RTN4: variants seen among roughly 807,000 people sequenced by gnomAD.
The protein encoded by RTN4 is reticulon 4.
A neutral mutation model predicts 90.4 loss-of-function variants in RTN4; 32 were observed. The observed-to-expected ratio is 0.35, with a 90% CI of 0.27 to 0.48. The LOEUF (loss-of-function observed/expected upper bound fraction) is 0.48, where lower values mean the gene tolerates loss of function less well. Among genes scored for constraint, RTN4 ranks in the 20% least tolerant of loss-of-function variants. The pLI, the probability that RTN4 is intolerant of heterozygous loss-of-function variation, is 0.99. For missense variants in RTN4, 1,706 were observed against 1,430.2 expected (o/e 1.19, Z -3.11); for synonymous variants, 629 against 552.5 (o/e 1.14, Z -1.94).
At chr2:54,995,955 T>C (rs1222792962) in intron 3 of RTN4, among the ~76,000 whole-genome samples, 3 of 152,198 alleles carry the variant, frequency 2.0e-5, no homozygotes. Context: ...GTCTGTTGTA[T>C]GTATTTTAAA....
intron 1 of RTN4, among the ~76,000 whole-genome samples, chr2:55,102,354 T>C (rs1667866947): frequency 1.3e-5 from 2 of 152,100 alleles, no homozygotes; most frequent in Admixed American, 1.3e-4. Flanking sequence ...TCTTTTAGGA[T>C]TTGTGGACCA....
At chr2:54,981,691 G>C (rs1322432451) in intron 5 of RTN4, among the ~76,000 whole-genome samples, 2 of 152,128 alleles carry the variant, frequency 1.3e-5, no homozygotes, top group African/African-American at 2.4e-5. Flanking sequence ...TGCTTATGTA[G>C]CGAGATCCAA....
At chr2:55,084,846 GC>G (rs1668807588) in intron 1 of RTN4, among the ~76,000 whole-genome samples, 1 of 151,990 alleles carries the variant, frequency 6.6e-6, no homozygotes, top group Non-Finnish European at 1.5e-5. Flanking sequence ...GTGCAATGGC[GC>G]AATCACAGCT....
chr2:55,014,101 T>C (rs1680851816), intron 3 of RTN4, among the ~76,000 whole-genome samples: 1 of 152,222 alleles, frequency 6.6e-6, no homozygotes, highest in African/African-American at 2.4e-5. Context: ...AGTTAATTTT[T>C]AAAACCCTAC....
At chr2:55,041,977 T>TTTCC (rs1475828007) in intron 1 of RTN4, among the ~76,000 whole-genome samples, 2 of 152,024 alleles carry the variant, frequency 1.3e-5, no homozygotes, top group East Asian at 3.8e-4. Context: ...AAAAGGCTAG[T>TTTCC]TTCCTTACAA....
intron 2 of RTN4, among the ~76,000 whole-genome samples, chr2:55,077,324 T>A (rs1174280815): frequency 6.6e-6 from 1 of 152,132 alleles, no homozygotes; most frequent in Non-Finnish European, 1.5e-5. Context: ...AGGGCAGTTC[T>A]CTATAGCAGC....
chr2:55,036,970 G>A (rs757519992), intron 1 of RTN4, among the ~76,000 whole-genome samples: 4 of 152,200 alleles, frequency 2.6e-5, no homozygotes, highest in Non-Finnish European at 4.4e-5. Flanking sequence ...CAACAGGACT[G>A]TATAGTTGGA....
chr2:55,059,084 T>G (rs1003430854), intron 2 of RTN4, among the ~76,000 whole-genome samples: 1 of 152,168 alleles, frequency 6.6e-6, no homozygotes, highest in Non-Finnish European at 1.5e-5. Flanking sequence ...AATTCCAGGT[T>G]TATCTCTAAT....
chr2:55,027,199 C>T lies in RTN4; in HGVS notation c.900G>A (p.Met300Ile). 6.2e-7 allele frequency: 1 copy of T among 1,613,712 alleles called. No individual in the cohort carries two copies. The highest frequency in any genetic ancestry group is 2.2e-5 in the East Asian group (1 of 44,860). Residue 300 changes from methionine to isoleucine, a missense_variant, in exon 3 of 9, where the codon ATG (methionine) becomes ATA (isoleucine). Coordinates refer to ENST00000337526, the MANE Select transcript of RTN4 (RefSeq NM_020532.5). ...TEFSELEYSE[M>I]GSSFSVSPKA... ...TTGGAGAGACACTGAACGATGATCCCATTTCTGAGTATTCTAATTCTGAAA... is the reference window on the plus strand; with the variant it reads ...TTGGAGAGACACTGAACGATGATCCTATTTCTGAGTATTCTAATTCTGAAA...
chr2:55,075,485 G>C (rs1481140207), intron 2 of RTN4, among the ~76,000 whole-genome samples: 1 of 152,142 alleles, frequency 6.6e-6, no homozygotes, highest in East Asian at 1.9e-4. Context: ...TGGATGAGTA[G>C]AATCAATATT....
chr2:54,999,189 C>G (rs544201878), intron 3 of RTN4, among the ~76,000 whole-genome samples: 1 of 152,276 alleles, frequency 6.6e-6, no homozygotes, highest in East Asian at 1.9e-4. Flanking sequence ...TGTGTAATAG[C>G]ATCTTTATCA....
At chr2:54,998,875 G>T (rs1030147883) in intron 3 of RTN4, among the ~76,000 whole-genome samples, 1 of 152,086 alleles carries the variant, frequency 6.6e-6, no homozygotes, top group Non-Finnish European at 1.5e-5. Flanking sequence ...TTTATACAGG[G>T]AAAGTTTAAC....
chr2:55,129,841 G>C, the RTN4 span, among the ~76,000 whole-genome samples: 54 of 152,114 alleles, frequency 3.5e-4, no homozygotes, highest in African/African-American at 1.1e-3. Flanking sequence ...AATTACAGGC[G>C]TGAGCCACCG....
chr2:55,110,657 G>A (rs1463923861), intron 1 of RTN4, among the ~76,000 whole-genome samples: 2 of 152,130 alleles, frequency 1.3e-5, no homozygotes, highest in Non-Finnish European at 2.9e-5. Flanking sequence ...AAAAAAAACT[G>A]TCTCATTCTT....
intron 1 of RTN4, among the ~76,000 whole-genome samples, chr2:55,082,296 G>A (rs1023726037): frequency 9.9e-5 from 15 of 152,062 alleles, no homozygotes; most frequent in African/African-American, 2.9e-4. Context: ...ATATCACCTC[G>A]GCAATTGTTT....
upstream of RTN4, among the ~76,000 whole-genome samples, chr2:55,054,673 T>C (rs925244139): frequency 2.6e-5 from 4 of 152,076 alleles, no homozygotes; most frequent in South Asian, 2.1e-4. Flanking sequence ...GAGAGGTGGA[T>C]TGTAGAGAAA....
At chr2:55,092,830 G>A (rs1214118930) in intron 1 of RTN4, among the ~76,000 whole-genome samples, 30 of 152,258 alleles carry the variant, frequency 2.0e-4, no homozygotes. Context: ...AGCTAGAAGC[G>A]GCCCCAGGAA....
chr2:55,038,496 A>AAC (rs1470580159), intron 1 of RTN4, among the ~76,000 whole-genome samples: 1 of 126,268 alleles, frequency 7.9e-6, no homozygotes. Flanking sequence ...CACCAAAGAA[A>AAC]ACACACACAA....
intron 1 of RTN4, among the ~76,000 whole-genome samples, chr2:55,047,843 G>C (rs372014482): frequency 1.3e-5 from 2 of 152,154 alleles, no homozygotes; most frequent in East Asian, 1.9e-4. Flanking sequence ...ATAAAACAAC[G>C]TGACTAATAA....
Sources: allele counts gnomAD v4.1 joint callset (sites outside exome capture counted in the v4.1 genomes callset), GRCh38; gene constraint gnomAD v4.1.1; transcripts MANE v1.5; gene names NCBI Gene and HGNC (gene_info 2026-07-23, HGNC 2026-07-21).